RGS20: variants seen among roughly 807,000 people sequenced by gnomAD.
The protein encoded by RGS20 is gz-selective GTPase-activating protein.
A neutral mutation model predicts 33.6 loss-of-function variants in RGS20; 30 were observed. That is an observed-to-expected ratio of 0.89 (90% CI 0.67 to 1.21). The LOEUF (loss-of-function observed/expected upper bound fraction) is 1.21. RGS20 is among the 50% of genes most tolerant of loss of function. The pLI, the probability that RGS20 is intolerant of heterozygous loss-of-function variation, is 0.00. For synonymous variants in RGS20, 208 were observed against 197.9 expected (o/e 1.05, Z -0.43); for missense variants, 472 against 502.4 (o/e 0.94, Z 0.58).
chr8:53,880,379 G>C (rs1408516631), intron 2 of RGS20: 1 of 152,920 alleles, frequency 6.5e-6, no homozygotes, highest in Non-Finnish European at 1.5e-5. Context: ...TTCCAGGGCG[G>C]GAAGACCGGA....
At chr8:53,853,490 T>A (rs970352027) in intron 1 of RGS20, among the ~76,000 whole-genome samples, 1 of 152,082 alleles carries the variant, frequency 6.6e-6, no homozygotes, top group Non-Finnish European at 1.5e-5. Context: ...CAGCAGCAGG[T>A]GAGGGTAGAA....
At chr8:53,908,449 G>C (rs1238080665) in intron 2 of RGS20, among the ~76,000 whole-genome samples, 2 of 152,104 alleles carry the variant, frequency 1.3e-5, no homozygotes, top group Admixed American at 6.5e-5. Context: ...AGACCAGCCT[G>C]GGCCACATGG....
intron 2 of RGS20, among the ~76,000 whole-genome samples, chr8:53,909,276 G>T (rs762231581): frequency 7.4e-6 from 1 of 135,680 alleles, no homozygotes; most frequent in Non-Finnish European, 1.6e-5. Context: ...TTGAGACAGG[G>T]TCTTACTCTG....
At chr8:53,871,178 CTT>C in intron 1 of RGS20, among the ~76,000 whole-genome samples, 1 of 140,984 alleles carries the variant, frequency 7.1e-6, no homozygotes, top group Non-Finnish European at 1.5e-5. Flanking sequence ...CCAGACTCTT[CTT>C]TTCCTGAGTT....
At chr8:53,953,783 A>T (rs1814780103) in intron 4 of RGS20, among the ~76,000 whole-genome samples, 1 of 152,176 alleles carries the variant, frequency 6.6e-6, no homozygotes, top group African/African-American at 2.4e-5. Flanking sequence ...TACAGTTTTT[A>T]AAATATTTCA....
At chr8:53,874,433 T>C (rs952228815) in intron 1 of RGS20, among the ~76,000 whole-genome samples, 1 of 151,814 alleles carries the variant, frequency 6.6e-6, no homozygotes, top group Non-Finnish European at 1.5e-5. Flanking sequence ...CATCTGTGTG[T>C]TACATGGGGA....
At chr8:53,910,011 T>C (rs1813309941) in intron 2 of RGS20, among the ~76,000 whole-genome samples, 1 of 152,196 alleles carries the variant, frequency 6.6e-6, no homozygotes, top group Non-Finnish European at 1.5e-5. Flanking sequence ...TGGGCTGGGT[T>C]CATACATTTT....
chr8:53,875,579 T>C (rs1290050592), intron 1 of RGS20, among the ~76,000 whole-genome samples: 1 of 151,958 alleles, frequency 6.6e-6, no homozygotes, highest in African/African-American at 2.4e-5. Context: ...AGCCTTTGAG[T>C]GTTTCCCTTC....
intron 2 of RGS20, chr8:53,881,062 C>T (rs1287390134): frequency 2.8e-5 from 44 of 1,549,002 alleles, no homozygotes; most frequent in Non-Finnish European, 3.7e-5. Flanking sequence ...TCCTCCCCGG[C>T]CGGCAGGGTG....
chr8:53,852,207 A>T, intron 1 of RGS20: 2 of 730,530 alleles, frequency 2.7e-6, no homozygotes. Flanking sequence ...ACCATCCCCA[A>T]GGGAAATCTA....
At chr8:53,882,287 G>C (rs1812409913) in intron 2 of RGS20, among the ~76,000 whole-genome samples, 1 of 152,308 alleles carries the variant, frequency 6.6e-6, no homozygotes, top group African/African-American at 2.4e-5. Flanking sequence ...GGAGTGAGTG[G>C]GGAAGGGGCT....
At chr8:53,948,304 TACAGTATATATACATATGCTATATATAAG>T (rs1483583422) in intron 4 of RGS20, among the ~76,000 whole-genome samples, 21 of 140,344 alleles carry the variant, frequency 1.5e-4, no homozygotes, top group African/African-American at 4.9e-4. Flanking sequence ...CGATATATGA[TACAGTATATATACATATGCTATATATAAG>T]ACAGTATATA....
At chr8:53,946,602 T>G in intron 3 of RGS20, 63 bp from the exon 3 acceptor site, 3 of 1,297,140 alleles carry the variant, frequency 2.3e-6, no homozygotes, top group Non-Finnish European at 3.3e-6. Flanking sequence ...TTTAAAGTAT[T>G]TGTAAAAAAT....
In RGS20 at chr8:53,884,633, A is replaced by C. The variant is rs139086151; in HGVS notation, c.510+5031A>C. 9.3e-4 allele frequency among the ~76,000 whole-genome samples: 142 copies of C among 152,278 alleles called. 1 individual carries two copies. The highest frequency in any genetic ancestry group is 3.2e-3 in the African/African-American group (135 of 41,550). ...AGATCTCCAGCTAATTAGGGGCCAAAATAGAATGAAGACTTCTGACTCATT... is the reference window on the plus strand; with the variant it reads ...AGATCTCCAGCTAATTAGGGGCCAACATAGAATGAAGACTTCTGACTCATT... On this transcript the variant is annotated intron_variant, in intron 2 of 5. Coordinates refer to ENST00000297313, the MANE Select transcript of RGS20 (RefSeq NM_170587.4).
At chr8:53,894,041 A>G (rs1812786774) in intron 2 of RGS20, among the ~76,000 whole-genome samples, 1 of 152,222 alleles carries the variant, frequency 6.6e-6, no homozygotes, top group African/African-American at 2.4e-5. Context: ...GTTAAAATCT[A>G]TCAAGTCTGG....
chr8:53,918,419 G>A (rs1225981098), intron 2 of RGS20, among the ~76,000 whole-genome samples: 1 of 144,698 alleles, frequency 6.9e-6, no homozygotes, highest in Non-Finnish European at 1.5e-5. Context: ...ACGGAGCTTT[G>A]CTCTTGTTGC....
At chr8:53,921,254 A>T (rs1813637629) in intron 2 of RGS20, among the ~76,000 whole-genome samples, 1 of 152,170 alleles carries the variant, frequency 6.6e-6, no homozygotes, top group African/African-American at 2.4e-5. Context: ...TATTCATAAA[A>T]GATGATTATG....
chr8:53,871,948 C>T (rs959310990), intron 1 of RGS20, among the ~76,000 whole-genome samples: 3 of 152,096 alleles, frequency 2.0e-5, no homozygotes, highest in Admixed American at 2.0e-4. Flanking sequence ...GACCTCCCTA[C>T]CCTAAGCTCA....
chr8:53,930,548 T>G (rs539066202), intron 2 of RGS20, among the ~76,000 whole-genome samples: 109 of 152,094 alleles, frequency 7.2e-4, no homozygotes, highest in African/African-American at 2.6e-3. Context: ...TATGGTTTTG[T>G]TTTTTGTTTT....
Sources: allele counts gnomAD v4.1 joint callset (sites outside exome capture counted in the v4.1 genomes callset), GRCh38; gene constraint gnomAD v4.1.1; transcripts MANE v1.5; gene names NCBI Gene and HGNC (gene_info 2026-07-23, HGNC 2026-07-21).